PDZRN4: variants seen among roughly 807,000 people sequenced by gnomAD.
PDZRN4 encodes the protein PDZ domain-containing RING finger protein 4.
In PDZRN4, 70 loss-of-function variants were observed where a neutral mutation model predicts 99.0. The ratio of observed to expected loss-of-function variants is 0.71; its 90% CI spans 0.58 to 0.86. The LOEUF is 0.86. Ranked by LOEUF, PDZRN4 falls within the 40% of genes least tolerant of loss-of-function variation. The pLI is 0.00. For missense variants in PDZRN4, 1,474 were observed against 1,331.2 expected (o/e 1.11, Z -1.67); for synonymous variants, 551 against 501.6 (o/e 1.10, Z -1.32).
Position 41,552,735 on chromosome 12 carries a change from C to T in PDZRN4, c.1283C>T (p.Thr428Ile). 3 of 1,613,344 alleles carry T rather than the reference C, an allele frequency of 1.9e-6. No homozygotes were observed. The highest frequency in any genetic ancestry group is 2.5e-6 in the Non-Finnish European group (3 of 1,179,510). The change falls in exon 6 of 10, where the codon ACC (threonine) becomes ATC (isoleucine). Residue 428 changes from threonine to isoleucine, a missense_variant. Transcript: ENST00000402685. ...TACCGAACAGATGATGAAGAAGACA[C>T]CGGCATTTATGTCAGCGAGGTAAGA... is the stretch of plus-strand genomic sequence containing the variant. ...VCYRTDDEED[T>I]GIYVSEVDPN... is the part of the protein sequence containing the mutation.
At chr12:41,569,301 G>T (rs548618180) in intron 9 of PDZRN4, among the ~76,000 whole-genome samples, 15 of 151,896 alleles carry the variant, frequency 9.9e-5, no homozygotes, top group South Asian at 2.1e-4. Context: ...TGTATTTTTA[G>T]TACAGATGAG....
At position 41,278,469 on chromosome 12, in the gene PDZRN4, C is replaced by T. The variant is rs1191874924; in HGVS notation, c.843+84281C>T. On this transcript the variant is annotated intron_variant, in intron 3 of 9. Transcript: ENST00000402685. Reference sequence around the variant, plus strand: ...CTTTACAAAAGATTACTTTGTGTAACGATTACATTGAAAGAGCAGAACTCA... The same window carrying T: ...CTTTACAAAAGATTACTTTGTGTAATGATTACATTGAAAGAGCAGAACTCA... Among the ~76,000 whole-genome samples the T allele has an allele frequency of 3.3e-5, 5 of 152,074 alleles. No homozygotes were observed. In the East Asian group the frequency reaches 5.8e-4, roughly 18 times the overall value.
At chr12:41,461,915 C>A (rs1952876904) in intron 3 of PDZRN4, among the ~76,000 whole-genome samples, 1 of 152,182 alleles carries the variant, frequency 6.6e-6, no homozygotes, top group South Asian at 2.1e-4. Flanking sequence ...CTCACCCAAC[C>A]CCCCATGCCC....
At chr12:41,215,907 T>C (rs1950918063) in intron 3 of PDZRN4, among the ~76,000 whole-genome samples, 1 of 151,868 alleles carries the variant, frequency 6.6e-6, no homozygotes, top group South Asian at 2.1e-4. Flanking sequence ...CTCAGGATAG[T>C]ACGAGGATTT....
At chr12:41,246,883 A>G (rs574001677) in intron 3 of PDZRN4, among the ~76,000 whole-genome samples, 1 of 151,844 alleles carries the variant, frequency 6.6e-6, no homozygotes, top group African/African-American at 2.4e-5. Flanking sequence ...TATACAGTTA[A>G]TTTTTTTTCT....
At chr12:41,533,067 A>C (rs1439172522) in intron 5 of PDZRN4, among the ~76,000 whole-genome samples, 1 of 152,202 alleles carries the variant, frequency 6.6e-6, no homozygotes, top group African/African-American at 2.4e-5. Flanking sequence ...TAGATTTGTC[A>C]AAGTCTACTT....
chr12:41,506,686 C>T lies in PDZRN4; in HGVS notation c.1074C>T (p.Asp358=), dbSNP rs749381306. ...KLRPPTPPVP[D]ICPFLLSDSC... ...GTCCACCTACCCCTCCAGTGCCAGA[C>T]ATCTGTCCATTCCTGCTCTCAGACA... Residue 358 remains aspartate (D), a synonymous_variant, in exon 4 of 10, where the codon GAC becomes GAT. Coordinates refer to ENST00000402685, the MANE Select transcript of PDZRN4 (RefSeq NM_001164595.2). The T allele has an allele frequency of 1.9e-6, 3 of 1,613,266 alleles. No individual in the cohort carries two copies. Among genetic ancestry groups the T allele is most frequent in the South Asian group, 1.1e-5 (1 of 90,992 alleles).
chr12:41,253,376 C>A (rs565723909), intron 3 of PDZRN4, among the ~76,000 whole-genome samples: 2 of 152,302 alleles, frequency 1.3e-5, no homozygotes, highest in South Asian at 4.1e-4. Context: ...TAGTTTCATT[C>A]TTCTGCATAC....
In PDZRN4 at chr12:41,370,797, T is replaced by C. The variant is rs143172594; in HGVS notation, c.844-135659T>C. Reference sequence around the variant, plus strand: ...TTCCTCATATCTATCTTCCAGTGTATGCATTCCTCACTTTAGCTATTTCTA... The same window carrying C: ...TTCCTCATATCTATCTTCCAGTGTACGCATTCCTCACTTTAGCTATTTCTA... On this transcript the variant is annotated intron_variant, in intron 3 of 9. Coordinates refer to ENST00000402685, the MANE Select transcript of PDZRN4 (RefSeq NM_001164595.2). Among the ~76,000 whole-genome samples the C allele has an allele frequency of 3.1e-3, 476 of 152,138 alleles. 3 individuals are homozygous for C. Among genetic ancestry groups the C allele is most frequent in the African/African-American group, 7.6e-3 (315 of 41,572 alleles).
At chr12:41,539,192 CT>C (rs1382807758) in intron 5 of PDZRN4, among the ~76,000 whole-genome samples, 2 of 151,874 alleles carry the variant, frequency 1.3e-5, no homozygotes, top group Non-Finnish European at 2.9e-5. Context: ...CTCAAAATGA[CT>C]TTTTCTCTTC....
chr12:41,509,872 T>C lies in PDZRN4; in HGVS notation c.1162T>C (p.Leu388=), dbSNP rs372551398. 2 of 1,603,616 alleles carry C rather than the reference T, an allele frequency of 1.2e-6. No individual in the cohort carries two copies. Among genetic ancestry groups the C allele is most frequent in the Non-Finnish European group, 1.7e-6 (2 of 1,172,992 alleles). Residue 388 remains leucine, a synonymous_variant, in exon 5 of 10, where the codon TTG becomes CTG. Transcript: ENST00000402685. ...FYEDNEYISS[L]PADADRTEDF... ...TGAGGACAATGAGTATATTTCCAGC[T>C]TGCCTGCTGATGCAGACAGAACAGA...
chr12:41,213,919 C>T (rs979195107), intron 3 of PDZRN4, among the ~76,000 whole-genome samples: 32 of 151,704 alleles, frequency 2.1e-4, no homozygotes, highest in Non-Finnish European at 7.4e-5. Context: ...TGTCCTAATC[C>T]CTAAAATAAG....
At chr12:41,349,932 T>A (rs554830756) in intron 3 of PDZRN4, among the ~76,000 whole-genome samples, 2 of 151,760 alleles carry the variant, frequency 1.3e-5, no homozygotes, top group Non-Finnish European at 2.9e-5. Flanking sequence ...ATATGAGGAA[T>A]TGCAAATAAC....
At chr12:41,280,683 G>C (rs1016165604) in intron 3 of PDZRN4, among the ~76,000 whole-genome samples, 8 of 152,210 alleles carry the variant, frequency 5.3e-5, no homozygotes, top group Non-Finnish European at 1.0e-4. Context: ...TCTGGGCAGG[G>C]CATCTCTGAA....
chr12:41,371,135 T>G (rs1196546746), intron 3 of PDZRN4, among the ~76,000 whole-genome samples: 2 of 149,252 alleles, frequency 1.3e-5, no homozygotes, highest in Non-Finnish European at 3.0e-5. Context: ...ATATTACATA[T>G]AAATATATAT....
intron 3 of PDZRN4, chr12:41,459,936 T>C: frequency 3.2e-6 from 4 of 1,264,520 alleles, no homozygotes; most frequent in Non-Finnish European, 4.1e-6. Context: ...GGAGAAAAAA[T>C]GACCTTTGTT....
chr12:41,244,900 C>G (rs907815788), intron 3 of PDZRN4, among the ~76,000 whole-genome samples: 1 of 143,660 alleles, frequency 7.0e-6, no homozygotes, highest in African/African-American at 2.6e-5. Flanking sequence ...CCTTGTTAGC[C>G]AGGATGGTCT....
intron 3 of PDZRN4, among the ~76,000 whole-genome samples, chr12:41,487,859 G>T (rs1157950005): frequency 1.3e-5 from 2 of 152,168 alleles, no homozygotes; most frequent in East Asian, 3.8e-4. Context: ...CCAAATTGGA[G>T]TTAAACTTAA....
intron 1 of PDZRN4, 33 bp downstream of exon 1, chr12:41,189,136 G>T: frequency 6.4e-7 from 1 of 1,559,182 alleles, no homozygotes; most frequent in South Asian, 1.2e-5. Flanking sequence ...CGCGGGCATG[G>T]TCGATTGGGG....
Sources: allele counts gnomAD v4.1 joint callset (sites outside exome capture counted in the v4.1 genomes callset), GRCh38; gene constraint gnomAD v4.1.1; transcripts MANE v1.5; gene names NCBI Gene and HGNC (gene_info 2026-07-23, HGNC 2026-07-21).